PIN4: variants seen among roughly 807,000 people sequenced by gnomAD.
PIN4 encodes the protein peptidyl-prolyl cis-trans isomerase NIMA-interacting 4.
In PIN4, 3 loss-of-function variants were observed where a neutral mutation model predicts 8.3. The observed-to-expected ratio is 0.36, with a 90% CI of 0.16 to 0.93. The LOEUF is 0.93. Among genes scored for constraint, PIN4 ranks in the 40% least tolerant of loss-of-function variants. The pLI, the probability that PIN4 is intolerant of heterozygous loss-of-function variation, is 0.44. For missense variants in PIN4, 75 were observed against 100.6 expected (o/e 0.75, Z 1.09); for synonymous variants, 18 against 32.5 (o/e 0.55, Z 1.52).
At chrX:72,186,597 T>G (rs1388965102) in intron 2 of PIN4, 63 bp downstream of exon 2, 3 of 723,275 alleles carry the variant, frequency 4.1e-6, no homozygotes, top group South Asian at 4.7e-5. Flanking sequence ...TTAGTACACA[T>G]AAAAGACAGA....
At chrX:72,200,987 G>C (rs2042787798), downstream of PIN4, among the ~76,000 whole-genome samples, 2 of 111,690 alleles carry the variant, frequency 1.8e-5, no homozygotes, top group Admixed American at 9.5e-5. Context: ...ATCAGTTGAG[G>C]CCAGGAATTC....
intron 3 of PIN4, among the ~76,000 whole-genome samples, chrX:72,212,739 G>T (rs1000749566): frequency 8.9e-6 from 1 of 111,896 alleles, no homozygotes; most frequent in African/African-American, 3.3e-5. Context: ...CCAGGAGTTT[G>T]AGACTAGCCT....
At chrX:72,223,371 C>T (rs1456447858) in intron 3 of PIN4, among the ~76,000 whole-genome samples, 1 of 104,775 alleles carries the variant, frequency 9.5e-6, no homozygotes, top group East Asian at 3.1e-4. Context: ...AGGAAGGTCC[C>T]CAAACATCTC....
intron 3 of PIN4, among the ~76,000 whole-genome samples, chrX:72,245,069 CAAAAAAAAAAAAAAAAAAAAA>C (rs35952560): frequency 1.2e-3 from 23 of 19,743 alleles, no homozygotes; most frequent in Non-Finnish European, 1.8e-3. Flanking sequence ...GAGATCCTGT[CAAAAAAAAAAAAAAAAAAAAA>C]AAAAAAAAAA....
chrX:72,225,323 C>T (rs1418087953), intron 3 of PIN4, among the ~76,000 whole-genome samples: 1 of 112,151 alleles, frequency 8.9e-6, no homozygotes, highest in Non-Finnish European at 1.9e-5. Context: ...AATTAGACCT[C>T]TCCCAGCTAC....
chrX:72,206,599 C>A (rs773857138), intron 3 of PIN4: 2 of 1,210,871 alleles, frequency 1.7e-6, no homozygotes, highest in Non-Finnish European at 2.2e-6. Context: ...ATTTCTAGTT[C>A]TTTGTTGTTC....
intron 3 of PIN4, among the ~76,000 whole-genome samples, chrX:72,241,924 A>C (rs1469788405): frequency 8.9e-6 from 1 of 112,150 alleles, no homozygotes; most frequent in East Asian, 2.8e-4. Context: ...AAGGATGAGT[A>C]GGATGAGAAG....
chrX:72,200,957 T>C (rs2042787733), downstream of PIN4, among the ~76,000 whole-genome samples: 1 of 112,113 alleles, frequency 8.9e-6, no homozygotes, highest in Non-Finnish European at 1.9e-5. Flanking sequence ...CCCAGCACTT[T>C]GGGAGGCTGA....
At chrX:72,217,880 G>A (rs777895489) in intron 3 of PIN4, among the ~76,000 whole-genome samples, 60 of 112,030 alleles carry the variant, frequency 5.4e-4, no homozygotes, top group Middle Eastern at 4.6e-3. Context: ...ACTTATGCAA[G>A]TACCACACTG....
intron 1 of PIN4, among the ~76,000 whole-genome samples, chrX:72,182,969 TGTG>T (rs1463235217): frequency 2.7e-5 from 3 of 111,975 alleles, no homozygotes; most frequent in African/African-American, 6.5e-5. Context: ...AGGAGATTGT[TGTG>T]GTAGTCTTGG....
At chrX:72,183,576 G>A (rs1369881258) in intron 1 of PIN4, among the ~76,000 whole-genome samples, 1 of 111,343 alleles carries the variant, frequency 9.0e-6, no homozygotes, top group Admixed American at 9.6e-5. Context: ...AATTAGAGGT[G>A]GCCTTGGGTA....
At chrX:72,188,898 A>G (rs1009946257) in intron 2 of PIN4, among the ~76,000 whole-genome samples, 17 of 112,313 alleles carry the variant, frequency 1.5e-4, no homozygotes, top group African/African-American at 5.5e-4. Context: ...CATGAGATAT[A>G]TGGAAAGGAG....
At chrX:72,262,634 C>T (rs1477891065) in intron 3 of PIN4, 1 of 678,368 alleles carries the variant, frequency 1.5e-6, no homozygotes, top group African/African-American at 2.2e-5. Flanking sequence ...AAGGGCCCTC[C>T]TGTTTATACA....
At chrX:72,184,250 G>A (rs1189524464) in intron 1 of PIN4, among the ~76,000 whole-genome samples, 1 of 111,706 alleles carries the variant, frequency 9.0e-6, no homozygotes, top group Non-Finnish European at 1.9e-5. Context: ...AAAGAAGTCT[G>A]GTGGCCTAGG....
At chrX:72,239,276 C>T (rs1433738198) in intron 3 of PIN4, among the ~76,000 whole-genome samples, 1 of 112,804 alleles carries the variant, frequency 8.9e-6, no homozygotes, top group Non-Finnish European at 1.9e-5. Flanking sequence ...GTGCGTGTGC[C>T]ATCATTGTGA....
At chrX:72,205,200 G>A in intron 3 of PIN4, 1 of 1,211,209 alleles carries the variant, frequency 8.3e-7, no homozygotes, top group Non-Finnish European at 1.1e-6. Flanking sequence ...CCTTATCCTG[G>A]GGAGAACCAA....
At chrX:72,238,771 G>T in intron 3 of PIN4, 1 of 1,012,773 alleles carries the variant, frequency 9.9e-7, no homozygotes, top group Non-Finnish European at 1.4e-6. Flanking sequence ...GTCCCCAGGA[G>T]GATCCGGGGG....
chrX:72,190,435 C>G (rs750977159), intron 2 of PIN4, among the ~76,000 whole-genome samples: 4 of 110,787 alleles, frequency 3.6e-5, no homozygotes, highest in Non-Finnish European at 5.7e-5. Flanking sequence ...TACCTTGAAA[C>G]TGTACATCTA....
intron 2 of PIN4, among the ~76,000 whole-genome samples, chrX:72,192,100 C>T (rs2042738601): frequency 9.1e-6 from 1 of 110,442 alleles, no homozygotes; most frequent in Non-Finnish European, 1.9e-5. Context: ...TACAGGCATC[C>T]ACCACCACTC....
Sources: allele counts gnomAD v4.1 joint callset (sites outside exome capture counted in the v4.1 genomes callset), GRCh38; gene constraint gnomAD v4.1.1; transcripts MANE v1.5; gene names NCBI Gene and HGNC (gene_info 2026-07-23, HGNC 2026-07-21).